Variants in TMEM132C observed in about 807,000 individuals in gnomAD.
TMEM132C encodes protein phosphatase 1, regulatory subunit 152.
TMEM132C carries 29 observed loss-of-function variants against 61.4 expected under a neutral mutation model. The observed-to-expected ratio is 0.47, with a 90% CI of 0.35 to 0.64. The LOEUF is 0.64. Ranked by LOEUF, TMEM132C falls within the 30% of genes least tolerant of loss-of-function variation. The pLI, the probability that TMEM132C is intolerant of heterozygous loss-of-function variation, is 0.00. For synonymous variants in TMEM132C, 656 were observed against 633.1 expected (o/e 1.04, Z -0.54); for missense variants, 1,408 against 1,476.9 (o/e 0.95, Z 0.76).
intron 2 of TMEM132C, among the ~76,000 whole-genome samples, chr12:128,429,975 C>T (rs1869331316): frequency 6.6e-6 from 1 of 152,086 alleles, no homozygotes; most frequent in African/African-American, 2.4e-5. Flanking sequence ...GAGGACCAGG[C>T]ATGGCTGCAC....
chr12:128,382,008 C>T (rs534556036), intron 1 of TMEM132C, among the ~76,000 whole-genome samples: 1 of 151,978 alleles, frequency 6.6e-6, no homozygotes, highest in Non-Finnish European at 1.5e-5. Context: ...CACTCCTCCC[C>T]CAGGGATGTC....
chr12:128,348,911 G>A (rs1355143775), intron 1 of TMEM132C, among the ~76,000 whole-genome samples: 2 of 152,198 alleles, frequency 1.3e-5, no homozygotes, highest in Non-Finnish European at 2.9e-5. Context: ...GAAAATACCA[G>A]TTGCCAATTA....
intron 4 of TMEM132C, 21 bp downstream of exon 4, chr12:128,616,356 G>A: frequency 6.5e-7 from 1 of 1,542,308 alleles, no homozygotes; most frequent in Non-Finnish European, 8.8e-7. Context: ...AGTTACCTTG[G>A]ATGCTCCTGC....
chr12:128,657,470 G>A (rs1409234816), intron 4 of TMEM132C, among the ~76,000 whole-genome samples: 3 of 152,192 alleles, frequency 2.0e-5, no homozygotes, highest in South Asian at 2.1e-4. Flanking sequence ...ATGAGGTGAT[G>A]CAGGGAGGCA....
At chr12:128,465,661 C>G (rs1219872622) in intron 2 of TMEM132C, among the ~76,000 whole-genome samples, 1 of 152,232 alleles carries the variant, frequency 6.6e-6, no homozygotes, top group Non-Finnish European at 1.5e-5. Flanking sequence ...CTACCCTGAA[C>G]CCAGGCCTGC....
At chr12:128,271,389 G>A (rs552741870) in intron 1 of TMEM132C, among the ~76,000 whole-genome samples, 3 of 151,894 alleles carry the variant, frequency 2.0e-5, no homozygotes, top group South Asian at 2.1e-4. Flanking sequence ...TCATCATATT[G>A]TACTCTGTAA....
chr12:128,459,249 C>A (rs1593061137), intron 2 of TMEM132C, among the ~76,000 whole-genome samples: 1 of 152,308 alleles, frequency 6.6e-6, no homozygotes, highest in Middle Eastern at 3.4e-3. Context: ...CTGGATCACA[C>A]AGTTAGTAAG....
intron 4 of TMEM132C, among the ~76,000 whole-genome samples, chr12:128,660,829 C>A (rs1231904189): frequency 3.3e-5 from 5 of 152,100 alleles, no homozygotes; most frequent in Non-Finnish European, 2.9e-5. Flanking sequence ...AAATGGTACC[C>A]TACCCACCAA....
At chr12:128,457,587 A>C (rs949643708) in intron 2 of TMEM132C, among the ~76,000 whole-genome samples, 1 of 151,884 alleles carries the variant, frequency 6.6e-6, no homozygotes, top group African/African-American at 2.4e-5. Flanking sequence ...AAAAAAAAAA[A>C]AAAAATTAGG....
chr12:128,433,473 A>G (rs1869467490), intron 2 of TMEM132C, among the ~76,000 whole-genome samples: 1 of 152,196 alleles, frequency 6.6e-6, no homozygotes, highest in African/African-American at 2.4e-5. Flanking sequence ...AATAAACTTT[A>G]AGAAAAAAAT....
At chr12:128,459,884 C>CAAAA (rs71069569) in intron 2 of TMEM132C, among the ~76,000 whole-genome samples, 49 of 81,962 alleles carry the variant, frequency 6.0e-4, no homozygotes, top group Admixed American at 1.3e-3. Context: ...GACTCTGTCT[C>CAAAA]AAAAAAAAAA....
intron 4 of TMEM132C, among the ~76,000 whole-genome samples, chr12:128,650,056 C>T (rs1254032823): frequency 6.6e-6 from 1 of 152,164 alleles, no homozygotes; most frequent in African/African-American, 2.4e-5. Flanking sequence ...GGAAAATTTG[C>T]TCAGCTACCA....
At chr12:128,442,306 G>A (rs1231253328) in intron 2 of TMEM132C, among the ~76,000 whole-genome samples, 1 of 152,214 alleles carries the variant, frequency 6.6e-6, no homozygotes, top group African/African-American at 2.4e-5. Context: ...GAATGAGACA[G>A]ATCCAGTGTG....
chr12:128,560,144 G>A (rs1874462633), intron 3 of TMEM132C, among the ~76,000 whole-genome samples: 1 of 152,208 alleles, frequency 6.6e-6, no homozygotes, highest in Non-Finnish European at 1.5e-5. Context: ...CTAGTGGAGA[G>A]GCTGAGGCAG....
At chr12:128,633,670 ATAG>A (rs932612961) in intron 4 of TMEM132C, among the ~76,000 whole-genome samples, 5 of 152,260 alleles carry the variant, frequency 3.3e-5, no homozygotes, top group African/African-American at 1.2e-4. Flanking sequence ...GAAGAATTAA[ATAG>A]TAGTACCAAA....
chr12:128,583,675 C>T (rs1317147270), intron 3 of TMEM132C, among the ~76,000 whole-genome samples: 1 of 152,178 alleles, frequency 6.6e-6, no homozygotes, highest in Non-Finnish European at 1.5e-5. Flanking sequence ...TCCTTGGTTC[C>T]CTCTCTCAAC....
chr12:128,679,385 C>T (rs139087886), intron 5 of TMEM132C, among the ~76,000 whole-genome samples: 4,198 of 152,324 alleles, frequency 0.028, 85 homozygotes, highest in Non-Finnish European at 0.042. Flanking sequence ...CCTCAGGGGT[C>T]CCTGGGTTAA....
chr12:128,463,821 A>C (rs1870625096), intron 2 of TMEM132C, among the ~76,000 whole-genome samples: 2 of 152,014 alleles, frequency 1.3e-5, no homozygotes, highest in Non-Finnish European at 2.9e-5. Context: ...CTGTGGCTAG[A>C]TACAGAGGAC....
chr12:128,268,288 A>T (rs1870384348), intron 1 of TMEM132C, among the ~76,000 whole-genome samples: 1 of 152,198 alleles, frequency 6.6e-6, no homozygotes. Context: ...CGCAGGGCTC[A>T]CGAAAGGTAG....
Sources: allele counts gnomAD v4.1 joint callset (sites outside exome capture counted in the v4.1 genomes callset), GRCh38; gene constraint gnomAD v4.1.1; transcripts MANE v1.5; gene names NCBI Gene and HGNC (gene_info 2026-07-23, HGNC 2026-07-21).